TIA1: variants seen among roughly 807,000 people sequenced by gnomAD.
The protein encoded by TIA1 is cytotoxic granule associated RNA binding protein TIA1.
A neutral mutation model predicts 65.9 loss-of-function variants in TIA1; 23 were observed. The observed-to-expected ratio is 0.35, with a 90% CI of 0.25 to 0.49. The LOEUF (loss-of-function observed/expected upper bound fraction) is 0.49. Ranked by LOEUF, TIA1 falls within the 20% of genes least tolerant of loss-of-function variation. The pLI is 0.98. For missense variants in TIA1, 371 were observed against 477.9 expected, an observed-to-expected ratio of 0.78 and a Z score of 2.09; for synonymous variants, 147 against 149.4, an observed-to-expected ratio of 0.98 and a Z score of 0.12.
chr2:70,215,183 C>A (rs761555916), intron 11 of TIA1, 188 bp downstream of exon 11: 2 of 638,570 alleles, frequency 3.1e-6, no homozygotes, highest in Admixed American at 3.3e-5. Context: ...TCAATTGAGG[C>A]GGTCACATTC....
intron 1 of TIA1, among the ~76,000 whole-genome samples, 165 bp from the exon 2 acceptor site, chr2:70,236,340 C>T (rs1688936861): frequency 6.6e-6 from 1 of 152,022 alleles, no homozygotes. Flanking sequence ...GCTGGGATTA[C>T]AGGCATGCGT....
chr2:70,225,309 A>G, intron 6 of TIA1: 1 of 1,262,028 alleles, frequency 7.9e-7, no homozygotes, highest in Non-Finnish European at 1.0e-6. Context: ...AAAGTCAGAA[A>G]GTAAAAAAGC....
chr2:70,246,747 A>T (rs1410119921), intron 1 of TIA1, among the ~76,000 whole-genome samples: 1 of 152,020 alleles, frequency 6.6e-6, no homozygotes, highest in East Asian at 1.9e-4. Flanking sequence ...TTAGCCGGGC[A>T]TGGTGGTGCC....
At chr2:70,222,407 G>GT (rs1573367850) in intron 7 of TIA1, among the ~76,000 whole-genome samples, 1 of 152,138 alleles carries the variant, frequency 6.6e-6, no homozygotes, top group Non-Finnish European at 1.5e-5. Flanking sequence ...CCTGAACTCA[G>GT]TTTTTTTCCA....
chr2:70,244,729 G>A (rs577627250), intron 1 of TIA1, among the ~76,000 whole-genome samples: 104 of 151,538 alleles, frequency 6.9e-4, no homozygotes, highest in African/African-American at 2.1e-3. Context: ...CAGCTACTCC[G>A]GAGGCTGAGG....
intron 1 of TIA1, among the ~76,000 whole-genome samples, chr2:70,238,492 C>T (rs997966364): frequency 1.3e-5 from 2 of 151,404 alleles, no homozygotes; most frequent in African/African-American, 4.9e-5. Context: ...AGGCTGGTAC[C>T]CCCAATTTTT....
chr2:70,225,124 C>T (rs1683238944), intron 6 of TIA1: 1 of 1,020,168 alleles, frequency 9.8e-7, no homozygotes, highest in Non-Finnish European at 1.2e-6. Context: ...AATTTATACC[C>T]CCCTTTTTGT....
At chr2:70,214,630 G>C in intron 11 of TIA1, 136 bp from the exon 12 acceptor site, 1 of 444,102 alleles carries the variant, frequency 2.3e-6, no homozygotes, top group Non-Finnish European at 3.5e-6. Flanking sequence ...AGAGTTGACT[G>C]CTAAAAAAAA....
intron 2 of TIA1, among the ~76,000 whole-genome samples, chr2:70,232,038 T>C (rs1686558270): frequency 6.6e-6 from 1 of 150,990 alleles, no homozygotes; most frequent in African/African-American, 2.4e-5. Context: ...CCGTCTCTAC[T>C]AAAAATACAA....
chr2:70,228,959 CT>C, intron 5 of TIA1, 99 bp downstream of exon 5: 5 of 335,330 alleles, frequency 1.5e-5, no homozygotes, highest in South Asian at 1.4e-4. Context: ...ATAATATCTC[CT>C]CCCGCCCCCC....
At chr2:70,235,758 A>G (rs1688621493) in intron 2 of TIA1, among the ~76,000 whole-genome samples, 2 of 152,208 alleles carry the variant, frequency 1.3e-5, no homozygotes, top group African/African-American at 4.8e-5. Context: ...GACACCACAT[A>G]TAAACATTTC....
At position 70,235,225 on chromosome 2, in the gene TIA1, G is replaced by A. The variant is rs1186822851; in HGVS notation, c.123+854C>T. Among the ~76,000 whole-genome samples the A allele has an allele frequency of 3.3e-5, 5 of 152,278 alleles. No homozygotes were observed. In the East Asian group the frequency reaches 9.7e-4, roughly 29 times the overall value. On this transcript the variant is annotated intron_variant, in intron 2 of 12. Transcript: ENST00000433529. ...GAGGTCGGGAGTTCTAAACCAGCCT[G>A]ACCAACATGGAGAAACCCCATCTCT...
chr2:70,224,346 C>G (rs1001987980), intron 7 of TIA1: 7 of 577,530 alleles, frequency 1.2e-5, no homozygotes, highest in Non-Finnish European at 2.0e-5. Context: ...ACTTTACTTT[C>G]TACATTCTGA....
At position 70,210,400 on chromosome 2, in the gene TIA1, T is replaced by C. The variant is rs1573092584; in HGVS notation, c.*2319A>G. ...CTGATACTAATACCAGTATGATTTTTAGACGGAAAAACTAAGAGTAAGATT... is the reference window on the plus strand; with the variant it reads ...CTGATACTAATACCAGTATGATTTTCAGACGGAAAAACTAAGAGTAAGATT... On this transcript the variant is annotated 3_prime_UTR_variant, in exon 13 of 13. Transcript: ENST00000433529. The C allele has an allele frequency of 6.6e-6, 1 of 152,206 alleles. No homozygotes were observed. The highest frequency in any genetic ancestry group is 2.4e-5 in the African/African-American group (1 of 41,460). 9.4% of individuals were successfully genotyped at this position (152,206 alleles called of 1,614,324 possible). A position where few individuals can be genotyped will look rare whatever the true frequency, so the allele number is the denominator to read the frequency against.
chr2:70,238,030 G>A (rs1689837406), intron 1 of TIA1, among the ~76,000 whole-genome samples: 3 of 151,516 alleles, frequency 2.0e-5, no homozygotes, highest in Middle Eastern at 6.8e-3. Context: ...GCGTGGTGGT[G>A]GGCGCCTGTA....
At position 70,210,275 on chromosome 2, in the gene TIA1, A is replaced by G. The variant is rs1676157753; in HGVS notation, c.*2444T>C. Reference sequence around the variant, plus strand: ...AGAATACTGGATTAATCACCCATTAAGTGTAAATCACTTCAGGTTCTTTAC... The same window carrying G: ...AGAATACTGGATTAATCACCCATTAGGTGTAAATCACTTCAGGTTCTTTAC... On this transcript the variant is annotated 3_prime_UTR_variant, in exon 13 of 13. Transcript: ENST00000433529. 6.6e-6 allele frequency: 1 copy of G among 152,250 alleles called. No individual in the cohort carries two copies. Among genetic ancestry groups the G allele is most frequent in the Admixed American group, 6.5e-5 (1 of 15,274 alleles). 9.4% of individuals were successfully genotyped at this position (152,250 alleles called of 1,614,324 possible).
intron 2 of TIA1, among the ~76,000 whole-genome samples, chr2:70,231,258 C>T (rs1384030121): frequency 3.9e-5 from 6 of 152,012 alleles, no homozygotes; most frequent in Admixed American, 3.3e-4. Context: ...GCTGAGACTG[C>T]GCCACTGCAC....
rs553584945 is a variant in TIA1, at chr2:70,216,031, C to T, written c.764+177G>A. ...CCTCCCAAAGTGCTGGGAATACAGGCGTGAGCCACCGCACCCGGCCAAAAT... is the reference window on the plus strand; with the variant it reads ...CCTCCCAAAGTGCTGGGAATACAGGTGTGAGCCACCGCACCCGGCCAAAAT... On this transcript the variant is annotated intron_variant, in intron 10 of 12. Transcript: ENST00000433529. 28 of 596,954 alleles carry T rather than the reference C, an allele frequency of 4.7e-5. No homozygotes were observed. The South Asian group carries it at 5.2e-4, about 11-fold the overall frequency. 37.0% of individuals were successfully genotyped at this position (596,954 alleles called of 1,614,324 possible).
At chr2:70,216,095 C>A in intron 10 of TIA1, 113 bp downstream of exon 10, 1 of 1,005,058 alleles carries the variant, frequency 9.9e-7, no homozygotes, top group Non-Finnish European at 1.4e-6. Flanking sequence ...TTTAAGAAAA[C>A]GAGGTAAATG....
Sources: gnomAD v4.1 joint callset for allele counts (sites outside exome capture counted in the v4.1 genomes callset) on GRCh38, gnomAD v4.1.1 for gene constraint, MANE v1.5 for transcripts, NCBI Gene and HGNC (gene_info 2026-07-23, HGNC 2026-07-21) for gene names.